Variants in MRTFA observed in about 807,000 individuals in gnomAD.
The protein encoded by MRTFA is myocardin-related transcription factor A.
A neutral mutation model predicts 83.5 loss-of-function variants in MRTFA; 20 were observed. That is an observed-to-expected ratio of 0.24 (90% CI 0.17 to 0.35). The LOEUF is 0.35. Among genes scored for constraint, MRTFA ranks in the 10% least tolerant of loss-of-function variants. The pLI, the probability that MRTFA is intolerant of heterozygous loss-of-function variation, is 1.00. For synonymous variants in MRTFA, 659 were observed against 541.2 expected (o/e 1.22, Z -3.02); for missense variants, 1,200 against 1,224.7 (o/e 0.98, Z 0.30).
chr22:40,631,034 A>G (rs1008824448), intron 1 of MRTFA, among the ~76,000 whole-genome samples: 1 of 152,216 alleles, frequency 6.6e-6, no homozygotes, highest in Non-Finnish European at 1.5e-5. Flanking sequence ...CAGTAAATTC[A>G]AAGATACAAG....
At chr22:40,446,276 A>G (rs1569269389) in intron 4 of MRTFA, among the ~76,000 whole-genome samples, 1 of 152,212 alleles carries the variant, frequency 6.6e-6, no homozygotes, top group Non-Finnish European at 1.5e-5. Flanking sequence ...TACAAAATTG[A>G]TTTTTTCAAT....
rs755298815 is a variant in MRTFA, at chr22:40,411,873, C to T, written c.2613G>A (p.Leu871=). The change falls in exon 15 of 15, where the codon CTG becomes CTA. Residue 871 remains leucine, a synonymous_variant. Transcript: ENST00000355630. ...TCGGGGATGGCTTCTCCTTCCCTGG[C>T]AGGGATGGCGGCTCCTTGAAATCTG... 7.4e-6 allele frequency: 11 copies of T among 1,485,416 alleles called. No individual in the cohort carries two copies. In the East Asian group the frequency reaches 2.1e-4, roughly 29 times the overall value. The allele number at this position is 1,485,416 out of a possible 1,614,324, so 92.0% of individuals were successfully genotyped here. A position where few individuals can be genotyped will look rare whatever the true frequency, so the allele number is the denominator to read the frequency against.
chr22:40,426,579 T>C (rs1453314768), intron 7 of MRTFA, among the ~76,000 whole-genome samples: 3 of 152,148 alleles, frequency 2.0e-5, no homozygotes, highest in Non-Finnish European at 4.4e-5. Flanking sequence ...ACAAACAAGC[T>C]GTGTTCAGCC....
At chr22:40,427,582 C>A (rs1188421336) in intron 7 of MRTFA, among the ~76,000 whole-genome samples, 1 of 152,168 alleles carries the variant, frequency 6.6e-6, no homozygotes, top group Non-Finnish European at 1.5e-5. Context: ...GCGAAGGAGA[C>A]ATGTCTGTAC....
At chr22:40,423,507 G>A (rs2052886844) in intron 9 of MRTFA, 29 bp downstream of exon 9, 2 of 1,457,794 alleles carry the variant, frequency 1.4e-6, no homozygotes, top group Non-Finnish European at 1.8e-6. Flanking sequence ...ACAGGGAAGG[G>A]GAGGGTACAA....
At position 40,479,491 on chromosome 22, in the gene MRTFA, C is replaced by G. The variant is rs543922217; in HGVS notation, c.242-16205G>C. Among the ~76,000 whole-genome samples the G allele has an allele frequency of 6.6e-5, 10 of 152,176 alleles. No individual in the cohort carries two copies. The South Asian group carries it at 2.1e-3, about 32-fold the overall frequency. On this transcript the variant is annotated intron_variant, in intron 3 of 14. Transcript: ENST00000355630. ...CTGTTTTCCTTTCCCTTTCTTCTGC[C>G]TATTAAACCTCTGCTCCTAAAAAAA...
chr22:40,498,277 T>A (rs868866276), intron 3 of MRTFA, among the ~76,000 whole-genome samples: 247 of 81,230 alleles, frequency 3.0e-3, no homozygotes, highest in East Asian at 6.5e-3. Context: ...ATATATATTT[T>A]TTTTTTTTTT....
At chr22:40,450,209 G>A (rs2053461056) in intron 4 of MRTFA, among the ~76,000 whole-genome samples, 1 of 152,188 alleles carries the variant, frequency 6.6e-6, no homozygotes, top group Admixed American at 6.5e-5. Flanking sequence ...TGCTTGCTTA[G>A]ACAACTCTGA....
intron 3 of MRTFA, among the ~76,000 whole-genome samples, chr22:40,542,483 T>C (rs898438626): frequency 1.3e-5 from 2 of 152,254 alleles, no homozygotes; most frequent in Non-Finnish European, 2.9e-5. Context: ...ATAAGAACTT[T>C]ATCTGTCTTG....
chr22:40,494,677 T>TC (rs1332349261), intron 3 of MRTFA, among the ~76,000 whole-genome samples: 2 of 144,974 alleles, frequency 1.4e-5, no homozygotes, highest in Non-Finnish European at 3.0e-5. Flanking sequence ...CCAGACTCTG[T>TC]CTAAAAAAAA....
At chr22:40,420,366 C>G in intron 11 of MRTFA, 39 bp downstream of exon 11, 7 of 1,597,536 alleles carry the variant, frequency 4.4e-6, no homozygotes, top group Non-Finnish European at 6.0e-6. Flanking sequence ...TGGGAAGGGC[C>G]AGGCTGGCAG....
At chr22:40,485,775 G>A (rs2054164915) in intron 3 of MRTFA, among the ~76,000 whole-genome samples, 1 of 152,184 alleles carries the variant, frequency 6.6e-6, no homozygotes, top group Admixed American at 6.5e-5. Flanking sequence ...ATCACTTAGA[G>A]GAGGTTGCAA....
intron 4 of MRTFA, among the ~76,000 whole-genome samples, chr22:40,449,668 G>A (rs750452128): frequency 1.3e-5 from 2 of 152,226 alleles, no homozygotes; most frequent in Non-Finnish European, 2.9e-5. Flanking sequence ...ACCAGGTGCT[G>A]ATTAAAACTA....
At chr22:40,550,187 T>C (rs75371997) in intron 3 of MRTFA, among the ~76,000 whole-genome samples, 1 of 146,936 alleles carries the variant, frequency 6.8e-6, no homozygotes, top group Non-Finnish European at 1.5e-5. Flanking sequence ...TTCCTACTTC[T>C]TTTTTTTTTT....
chr22:40,579,160 C>T (rs1397123963), intron 2 of MRTFA, among the ~76,000 whole-genome samples: 3 of 152,128 alleles, frequency 2.0e-5, no homozygotes, highest in African/African-American at 7.2e-5. Flanking sequence ...GGAAAATACC[C>T]ATAGCCAAGT....
chr22:40,423,320 G>A (rs754333271), intron 9 of MRTFA, among the ~76,000 whole-genome samples: 3 of 152,170 alleles, frequency 2.0e-5, no homozygotes, highest in Non-Finnish European at 4.4e-5. Context: ...GACCTGGAAT[G>A]CCCAAGGCCA....
At chr22:40,561,426 G>A (rs918696348) in intron 2 of MRTFA, among the ~76,000 whole-genome samples, 11 of 151,272 alleles carry the variant, frequency 7.3e-5, no homozygotes, top group Non-Finnish European at 1.5e-5. Flanking sequence ...GGGAGATAGA[G>A]GTTGCAGTGA....
At chr22:40,561,834 TG>T (rs2055622780) in intron 2 of MRTFA, among the ~76,000 whole-genome samples, 1 of 152,208 alleles carries the variant, frequency 6.6e-6, no homozygotes, top group African/African-American at 2.4e-5. Flanking sequence ...GCCTCTGCCT[TG>T]ACCAATCGAG....
At chr22:40,451,461 G>T (rs947081665) in intron 4 of MRTFA, among the ~76,000 whole-genome samples, 6 of 152,074 alleles carry the variant, frequency 3.9e-5, no homozygotes, top group African/African-American at 1.4e-4. Flanking sequence ...TTTGGCACCG[G>T]CTATCACCCC....
Sources: allele counts gnomAD v4.1 joint callset (sites outside exome capture counted in the v4.1 genomes callset), GRCh38; gene constraint gnomAD v4.1.1; transcripts MANE v1.5; gene names NCBI Gene and HGNC (gene_info 2026-07-23, HGNC 2026-07-21).